Variants in TENM3 observed in about 807,000 individuals in gnomAD.
TENM3 encodes teneurin-3.
A neutral mutation model predicts 255.1 loss-of-function variants in TENM3; 63 were observed. That is an observed-to-expected ratio of 0.25 (90% CI 0.20 to 0.30). The LOEUF is 0.30. Among genes scored for constraint, TENM3 ranks in the 10% least tolerant of loss-of-function variants. The pLI is 1.00. For synonymous variants in TENM3, 1,306 were observed against 1,322.3 expected, an observed-to-expected ratio of 0.99 and a Z score of 0.27; for missense variants, 2,929 against 3,461.1, an observed-to-expected ratio of 0.85 and a Z score of 3.86.
chr4:182,051,668 T>C, the TENM3 span, among the ~76,000 whole-genome samples: 1 of 152,118 alleles, frequency 6.6e-6, no homozygotes, highest in Non-Finnish European at 1.5e-5. Flanking sequence ...ATTTTTCCTT[T>C]CTTAAAGAGC....
In TENM3 at chr4:182,324,217, T is replaced by C. The variant is rs755542819; in HGVS notation, c.197T>C (p.Leu66Ser). ...CTTTACGGCAACAGAGTGAAGGATT[T>C]GGTTCACAGAGAAGCAGACGAGTTC... ...RLLYGNRVKD[L>S]VHREADEFTR... Residue 66 changes from leucine to serine, a missense_variant, in exon 2 of 28, where the codon TTG becomes TCG. Around this residue, in one of 6 missense-constraint regions of TENM3, gnomAD observed 283 missense variants for 256.9 expected, o/e 1.10. Transcript: ENST00000511685. The C allele has an allele frequency of 1.9e-6, 3 of 1,613,994 alleles. No homozygotes were observed. The Admixed American group carries it at 5.0e-5, about 27-fold the overall frequency.
chr4:182,381,487 G>T (rs1368903622), intron 3 of TENM3, among the ~76,000 whole-genome samples: 3 of 152,076 alleles, frequency 2.0e-5, no homozygotes, highest in Admixed American at 6.5e-5. Flanking sequence ...CCTGAGATTT[G>T]AATAGAGGTA....
the TENM3 span, among the ~76,000 whole-genome samples, chr4:181,512,849 A>C: frequency 6.6e-6 from 1 of 152,210 alleles, no homozygotes; most frequent in Non-Finnish European, 1.5e-5. Flanking sequence ...TTAGATTAGA[A>C]ACAGCCCAGA....
intron 2 of TENM3, among the ~76,000 whole-genome samples, chr4:182,328,991 T>A (rs1178636920): frequency 6.6e-6 from 1 of 152,056 alleles, no homozygotes; most frequent in African/African-American, 2.4e-5. Flanking sequence ...ACCTGCCCCT[T>A]ACCAAGGATA....
At chr4:182,359,136 G>T (rs1182799956) in intron 3 of TENM3, among the ~76,000 whole-genome samples, 1 of 152,018 alleles carries the variant, frequency 6.6e-6, no homozygotes, top group Non-Finnish European at 1.5e-5. Flanking sequence ...TTTTATTGAG[G>T]ATTTTTGCAT....
intron 3 of TENM3, among the ~76,000 whole-genome samples, chr4:182,358,897 A>G (rs1366928729): frequency 2.6e-5 from 4 of 151,768 alleles, no homozygotes; most frequent in Admixed American, 6.6e-5. Context: ...CGTCCCATCA[A>G]TACCTAATTT....
the TENM3 span, among the ~76,000 whole-genome samples, chr4:182,006,947 C>G: frequency 3.2e-4 from 48 of 152,242 alleles, no homozygotes; most frequent in Admixed American, 2.9e-3. Context: ...TCATTGGTTT[C>G]AAAGAACTTC....
the TENM3 span, among the ~76,000 whole-genome samples, chr4:181,868,044 A>G: frequency 6.6e-6 from 1 of 152,160 alleles, no homozygotes; most frequent in South Asian, 2.1e-4. Context: ...TGTTGAGGTA[A>G]TTCCCTATAT....
intron 4 of TENM3, among the ~76,000 whole-genome samples, chr4:182,610,221 A>G (rs186772384): frequency 2.0e-5 from 3 of 152,350 alleles, no homozygotes; most frequent in Admixed American, 1.3e-4. Flanking sequence ...GGTGTCTTAG[A>G]GATAATTCAT....
chr4:182,354,429 T>C (rs115322887), intron 3 of TENM3, among the ~76,000 whole-genome samples: 132 of 152,354 alleles, frequency 8.7e-4, no homozygotes, highest in Non-Finnish European at 1.7e-3. Context: ...TTTATTGATG[T>C]AATTATCACT....
At chr4:182,597,266 G>A (rs745833611) in intron 3 of TENM3, among the ~76,000 whole-genome samples, 11 of 152,114 alleles carry the variant, frequency 7.2e-5, no homozygotes, top group Non-Finnish European at 1.0e-4. Context: ...AAAATTAGCC[G>A]GGCGTGGTGG....
At chr4:182,023,768 T>A in the TENM3 span, among the ~76,000 whole-genome samples, 141,684 of 152,264 alleles carry the variant, frequency 0.93, 66,765 homozygotes, top group East Asian at 1. Flanking sequence ...AGATCAAAGA[T>A]CAATTTTGCT....
intron 3 of TENM3, among the ~76,000 whole-genome samples, chr4:182,393,227 C>A (rs1282197676): frequency 6.6e-6 from 1 of 152,108 alleles, no homozygotes; most frequent in Non-Finnish European, 1.5e-5. Flanking sequence ...TTAGGAAAAA[C>A]AGTGTTTAGT....
the TENM3 span, among the ~76,000 whole-genome samples, chr4:181,717,264 T>C: frequency 1.3e-5 from 2 of 152,188 alleles, no homozygotes; most frequent in East Asian, 1.9e-4. Context: ...CCCCATGTAA[T>C]AGGAGTTCTG....
chr4:182,504,621 C>A (rs1458031952), intron 3 of TENM3, among the ~76,000 whole-genome samples: 2 of 152,142 alleles, frequency 1.3e-5, no homozygotes, highest in Middle Eastern at 3.2e-3. Context: ...TATTCGCATG[C>A]GAATGAAGAG....
intron 3 of TENM3, among the ~76,000 whole-genome samples, chr4:182,409,243 C>A (rs1452257470): frequency 6.6e-6 from 1 of 152,182 alleles, no homozygotes; most frequent in Non-Finnish European, 1.5e-5. Context: ...TCTCTCTTAC[C>A]TGTTGGAGAA....
the TENM3 span, among the ~76,000 whole-genome samples, chr4:181,650,172 T>G: frequency 0.08 from 12,157 of 152,248 alleles, 652 homozygotes; most frequent in South Asian, 0.15. Flanking sequence ...TGTTCTTAAA[T>G]TCCCAGGATA....
At chr4:182,406,299 C>T (rs1467375988) in intron 3 of TENM3, among the ~76,000 whole-genome samples, 1 of 150,868 alleles carries the variant, frequency 6.6e-6, no homozygotes, top group East Asian at 1.9e-4. Flanking sequence ...AGCGAGACTC[C>T]ATCAAAAAAA....
intron 1 of TENM3, among the ~76,000 whole-genome samples, chr4:182,182,147 G>A (rs1194536672): frequency 6.6e-6 from 1 of 152,074 alleles, no homozygotes; most frequent in Non-Finnish European, 1.5e-5. Flanking sequence ...AATGAGAAAG[G>A]ATAAGAAAAT....
Sources: gnomAD v4.1 joint callset for allele counts (sites outside exome capture counted in the v4.1 genomes callset) on GRCh38, gnomAD v4.1.1 for gene constraint, gnomAD v4.1.1 regional missense constraint, MANE v1.5 for transcripts, NCBI Gene and HGNC (gene_info 2026-07-23, HGNC 2026-07-21) for gene names.